LARGE1: variants seen among roughly 807,000 people sequenced by gnomAD.
LARGE1 encodes LARGE xylosyl- and glucuronyltransferase 1.
Under a neutral mutation model 87.6 loss-of-function variants are expected in LARGE1, and 43 were observed. The ratio of observed to expected loss-of-function variants is 0.49; its 90% CI spans 0.38 to 0.63. The LOEUF is 0.63. Among genes scored for constraint, LARGE1 ranks in the 30% least tolerant of loss-of-function variants. The pLI, the probability that LARGE1 is intolerant of heterozygous loss-of-function variation, is 0.00. For synonymous variants in LARGE1, 434 were observed against 394.6 expected (o/e 1.10, Z -1.18); for missense variants, 802 against 1,000.2 (o/e 0.80, Z 2.67).
Position 33,587,385 on chromosome 22 carries a change from C to A in LARGE1, c.615+17050G>T, listed in dbSNP as rs138877084. Among the ~76,000 whole-genome samples, 421 of 152,258 alleles carry A rather than the reference C, an allele frequency of 2.8e-3. 3 individuals are homozygous for A. The highest frequency in any genetic ancestry group is 9.3e-3 in the African/African-American group (388 of 41,566). The stretch of plus-strand genomic sequence containing the variant: ...TATTCTGATGTTGACTTACAATAGA[C>A]AATTTAAGAAGGGTTGGCCCTCATA... On this transcript the variant is annotated intron_variant, in intron 5 of 14. Transcript: ENST00000397394.
chr22:33,347,967 G>GA (rs1424093527), intron 9 of LARGE1, among the ~76,000 whole-genome samples: 1 of 152,176 alleles, frequency 6.6e-6, no homozygotes, highest in East Asian at 1.9e-4. Context: ...GATGAAAACA[G>GA]AACCTCTATG....
At chr22:33,597,097 T>C (rs2078997065) in intron 5 of LARGE1, among the ~76,000 whole-genome samples, 2 of 152,140 alleles carry the variant, frequency 1.3e-5, no homozygotes, top group Admixed American at 1.3e-4. Context: ...TCCAGCCTTA[T>C]GAGAGCATTT....
the LARGE1 span, among the ~76,000 whole-genome samples, chr22:33,084,468 G>A: frequency 2.0e-5 from 3 of 151,694 alleles, no homozygotes; most frequent in African/African-American, 7.3e-5. Flanking sequence ...AGACCAGCCT[G>A]GACAACATAG....
At chr22:33,298,893 G>T (rs1933742288) in intron 12 of LARGE1, among the ~76,000 whole-genome samples, 1 of 144,604 alleles carries the variant, frequency 6.9e-6, no homozygotes, top group Admixed American at 6.8e-5. Flanking sequence ...AGGAAAGATG[G>T]AAAGAAAGAA....
chr22:33,103,043 G>A, the LARGE1 span, among the ~76,000 whole-genome samples: 2 of 151,738 alleles, frequency 1.3e-5, no homozygotes, highest in Non-Finnish European at 2.9e-5. Context: ...CCCCCGCCCC[G>A]CCGGTGTAGA....
At chr22:33,259,586 C>G (rs1927514042) in intron 11 of LARGE1, among the ~76,000 whole-genome samples, 1 of 152,192 alleles carries the variant, frequency 6.6e-6, no homozygotes, top group African/African-American at 2.4e-5. Context: ...GATACAGGAA[C>G]TACAGAGCTT....
rs73154556 is a variant in LARGE1 at position 33,886,815 on chromosome 22, G to A, written c.-83+33180C>T. Among the ~76,000 whole-genome samples, 706 of 152,174 alleles carry A rather than the reference G, an allele frequency of 4.6e-3. 3 individuals carry two copies. Among genetic ancestry groups the A allele is most frequent in the Non-Finnish European group, 7.5e-3 (508 of 67,998 alleles). On this transcript the variant is annotated intron_variant, in intron 1 of 14. Coordinates refer to ENST00000397394, the MANE Select transcript of LARGE1 (RefSeq NM_133642.5). ...CTGAGCACCAAGTACCAGGCACTGCGCTCACCACTGCAGGATACAGTGGCA... is the reference window on the plus strand; with the variant it reads ...CTGAGCACCAAGTACCAGGCACTGCACTCACCACTGCAGGATACAGTGGCA...
intron 5 of LARGE1, among the ~76,000 whole-genome samples, chr22:33,584,548 A>T (rs1474755510): frequency 6.6e-6 from 1 of 152,180 alleles, no homozygotes; most frequent in African/African-American, 2.4e-5. Context: ...GCAAATCCTT[A>T]TCCACTGACT....
intron 10 of LARGE1, among the ~76,000 whole-genome samples, chr22:33,326,137 C>G (rs1469885828): frequency 1.3e-5 from 2 of 152,174 alleles, no homozygotes; most frequent in Admixed American, 1.3e-4. Context: ...CATTTTCATT[C>G]TTTTGCAGGG....
chr22:33,412,057 G>T (rs1245717908), intron 7 of LARGE1, among the ~76,000 whole-genome samples: 1 of 152,200 alleles, frequency 6.6e-6, no homozygotes, highest in Non-Finnish European at 1.5e-5. Context: ...GCTGAGGCGG[G>T]CAGATCACTT....
chr22:33,594,843 G>A (rs2078935759), intron 5 of LARGE1, among the ~76,000 whole-genome samples: 1 of 152,148 alleles, frequency 6.6e-6, no homozygotes, highest in African/African-American at 2.4e-5. Context: ...CTGACCTTAG[G>A]TGGTCCACCT....
chr22:33,159,522 A>C (rs1010889524), downstream of LARGE1, among the ~76,000 whole-genome samples: 3 of 152,112 alleles, frequency 2.0e-5, no homozygotes, highest in South Asian at 6.2e-4. Flanking sequence ...ACAAATACTC[A>C]TTGATAGACT....
At chr22:33,532,707 G>A (rs1309373463) in intron 6 of LARGE1, among the ~76,000 whole-genome samples, 4 of 152,200 alleles carry the variant, frequency 2.6e-5, no homozygotes, top group Non-Finnish European at 5.9e-5. Context: ...TTTCTAAGAC[G>A]TAACATTCAG....
intron 6 of LARGE1, among the ~76,000 whole-genome samples, chr22:33,440,497 G>A (rs1043782251): frequency 2.6e-5 from 4 of 152,154 alleles, no homozygotes; most frequent in African/African-American, 9.6e-5. Flanking sequence ...AAAACCAGAG[G>A]CTGCCCTGAC....
intron 9 of LARGE1, among the ~76,000 whole-genome samples, chr22:33,345,177 C>G (rs1462987106): frequency 6.6e-6 from 1 of 152,162 alleles, no homozygotes; most frequent in East Asian, 1.9e-4. Context: ...AGCTCATTTA[C>G]TCTTTACACA....
chr22:33,131,314 G>A, the LARGE1 span, among the ~76,000 whole-genome samples: 3 of 152,046 alleles, frequency 2.0e-5, no homozygotes, highest in Non-Finnish European at 4.4e-5. Context: ...CTCTCTCTCA[G>A]TGTGCCACTG....
chr22:33,894,592 G>T (rs2065084698), intron 1 of LARGE1, among the ~76,000 whole-genome samples: 1 of 152,084 alleles, frequency 6.6e-6, no homozygotes, highest in Non-Finnish European at 1.5e-5. Context: ...AACAAAACTG[G>T]GACATGGGAG....
chr22:33,432,138 C>T, intron 7 of LARGE1, 23 bp downstream of exon 7: 1 of 1,588,698 alleles, frequency 6.3e-7, no homozygotes, highest in South Asian at 1.1e-5. Flanking sequence ...TGCAACTCTT[C>T]CCATACCACC....
At position 33,676,372 on chromosome 22, in the gene LARGE1, C is replaced by CAAAAAAAAA. The variant is rs10567981; in HGVS notation, c.107-25713_107-25705dup. Among the ~76,000 whole-genome samples, 15 of 16,304 alleles carry CAAAAAAAAA rather than the reference C, an allele frequency of 9.2e-4. 3 individuals carry two copies. The highest frequency in any genetic ancestry group is 2.9e-3 in the East Asian group (1 of 346). 10.7% of individuals were successfully genotyped at this position (16,304 alleles called of 152,430 possible). A position where few individuals can be genotyped will look rare whatever the true frequency, so the allele number is the denominator to read the frequency against. On this transcript the variant is annotated intron_variant, in intron 2 of 14. Transcript: ENST00000397394. ...ACATCATATGTTACAGATTCAATGG[C>CAAAAAAAAA]AAAAAAAAAAAAAAAAAAAAAAAAA...
Sources: gnomAD v4.1 joint callset for allele counts (sites outside exome capture counted in the v4.1 genomes callset) on GRCh38, gnomAD v4.1.1 for gene constraint, MANE v1.5 for transcripts, NCBI Gene and HGNC (gene_info 2026-07-23, HGNC 2026-07-21) for gene names.